The following MTOR variants were observed in gnomAD, a reference collection of about 807,000 sequenced individuals.
MTOR encodes mechanistic target of rapamycin kinase, also known as serine/threonine-protein kinase mTOR.
A neutral mutation model predicts 319.8 loss-of-function variants in MTOR; 70 were observed. The ratio of observed to expected loss-of-function variants is 0.22; its 90% CI spans 0.18 to 0.27. The LOEUF is 0.27. Among genes scored for constraint, MTOR ranks in the 10% least tolerant of loss-of-function variants. The pLI, the probability that MTOR is intolerant of heterozygous loss-of-function variation, is 1.00. For synonymous variants in MTOR, 1,183 were observed against 1,211.4 expected (o/e 0.98, Z 0.49); for missense variants, 1,890 against 3,274.4 (o/e 0.58, Z 10.32).
At position 11,260,719 on chromosome 1, in the gene MTOR, CTTTT is replaced by C. The variant is rs35365679; in HGVS notation, c.-14-1300_-14-1297del. ...TTAAAAAATTGATATAGTGTCCATT[CTTTT>C]TTTTTAGCGAGTCTTCAAAATCTAA... is the stretch of plus-strand genomic sequence containing the variant. On this transcript the variant is annotated intron_variant, in intron 1 of 57. Transcript: ENST00000361445. 2.7e-5 allele frequency among the ~76,000 whole-genome samples: 4 copies of C among 148,946 alleles called. No homozygotes were observed. The East Asian group carries it at 7.9e-4, about 29-fold the overall frequency.
At chr1:11,257,288 C>T (rs1650524140) in intron 3 of MTOR, 123 bp from the exon 4 acceptor site, 1 of 815,890 alleles carries the variant, frequency 1.2e-6, no homozygotes, top group African/African-American at 1.7e-5. Context: ...GTAATCCTAG[C>T]ACTTTGGGAG....
intron 34 of MTOR, among the ~76,000 whole-genome samples, chr1:11,143,215 T>C (rs572502194): frequency 6.6e-6 from 1 of 152,352 alleles, no homozygotes; most frequent in African/African-American, 2.4e-5. Context: ...AAAAAGCATC[T>C]TGCTGCCTCA....
At chr1:11,114,559 T>A in intron 52 of MTOR, 106 bp from the exon 53 acceptor site, 1 of 1,486,792 alleles carries the variant, frequency 6.7e-7, no homozygotes. Context: ...CAGGCCATGT[T>A]GACGTATCAG....
At chr1:11,260,175 A>G (rs995259738) in intron 1 of MTOR, among the ~76,000 whole-genome samples, 1 of 152,214 alleles carries the variant, frequency 6.6e-6, no homozygotes, top group Non-Finnish European at 1.5e-5. Flanking sequence ...GAAAGAATTA[A>G]AAATGACTAA....
intron 8 of MTOR, among the ~76,000 whole-genome samples, chr1:11,246,492 T>C (rs1295434828): frequency 3.9e-5 from 6 of 152,226 alleles, no homozygotes; most frequent in Non-Finnish European, 7.3e-5. Flanking sequence ...GTTATTTCTC[T>C]CTGGTTCAGT....
intron 49 of MTOR, among the ~76,000 whole-genome samples, chr1:11,117,846 G>A (rs577534579): frequency 6.6e-6 from 1 of 152,192 alleles, no homozygotes; most frequent in South Asian, 2.1e-4. Context: ...TTGGGAGGCC[G>A]AGGTGGGTGG....
chr1:11,184,654 T>G (rs1291425910), intron 28 of MTOR, among the ~76,000 whole-genome samples: 1 of 152,042 alleles, frequency 6.6e-6, no homozygotes, highest in Non-Finnish European at 1.5e-5. Flanking sequence ...CTGCTTCAGC[T>G]CACGAGTTCC....
In MTOR at chr1:11,109,833, T is replaced by G; in HGVS notation, c.7367-104A>C. The G allele has an allele frequency of 1.1e-6, 1 of 946,842 alleles. No homozygotes were observed. The allele number at this position is 946,842 out of a possible 1,614,324, so 58.7% of individuals were successfully genotyped here. On this transcript the variant is annotated intron_variant, in intron 54 of 57. Transcript: ENST00000361445. This position sits in a 1 kb window ranked among gnomAD's most constrained non-coding sequence, Gnocchi z 4.0. The stretch of plus-strand genomic sequence containing the variant: ...CACTCTATTCCTTTAACGCCTGCCC[T>G]ACCTACCCTAAAGGGGAAAAGAGAA...
chr1:11,153,971 GGGCA>G (rs1392447973), intron 30 of MTOR, among the ~76,000 whole-genome samples: 2 of 147,442 alleles, frequency 1.4e-5, no homozygotes, highest in Non-Finnish European at 3.0e-5. Context: ...CAGGAGGCTG[GGGCA>G]GGAAAATCAC....
At chr1:11,142,245 T>C (rs969372791) in intron 34 of MTOR, among the ~76,000 whole-genome samples, 6 of 151,744 alleles carry the variant, frequency 4.0e-5, no homozygotes, top group African/African-American at 1.5e-4. Context: ...CCAGGCATGG[T>C]GGCTCATGCC....
rs780569588 is a variant in MTOR, at chr1:11,134,533, C to T, written c.5131-67G>A. 27 of 1,373,094 alleles carry T rather than the reference C, an allele frequency of 2.0e-5. No individual in the cohort carries two copies. The East Asian group carries it at 2.1e-4, about 10-fold the overall frequency. The allele number at this position is 1,373,094 out of a possible 1,614,324, so 85.1% of individuals were successfully genotyped here. On this transcript the variant is annotated intron_variant, in intron 36 of 57. Transcript: ENST00000361445. ...CCCAGCTTCAGAGGAAGGGAGCTAC[C>T]GTTCATCTGATAGGCATGAGTCAAC...
intron 28 of MTOR, chr1:11,192,348 T>C (rs1645573954): frequency 4.3e-6 from 7 of 1,613,872 alleles, no homozygotes; most frequent in Non-Finnish European, 5.9e-6. Flanking sequence ...CCTGATGACT[T>C]CCTGGGCAGC....
chr1:11,255,382 C>CA (rs56328160), intron 5 of MTOR, among the ~76,000 whole-genome samples: 3,063 of 98,036 alleles, frequency 0.031, 552 homozygotes, highest in African/African-American at 0.15. Context: ...ACTCCATCTC[C>CA]AAAAAAAAAA....
intron 28 of MTOR, chr1:11,193,553 C>A: frequency 6.4e-7 from 1 of 1,552,398 alleles, no homozygotes; most frequent in Non-Finnish European, 8.7e-7. Context: ...CTGCAAGTCC[C>A]TCACCAGAGT....
In MTOR at chr1:11,234,212, G is replaced by A; in HGVS notation, c.2262C>T (p.Ala754=). 6.2e-7 allele frequency: 1 copy of A among 1,614,134 alleles called. No individual in the cohort carries two copies. The highest frequency in any genetic ancestry group is 1.3e-5 in the African/African-American group (1 of 75,042). ...SGIGRIKEQS[A]RMLGHLVSNA... ...TGGAGACCAGGTGCCCCAGCATGCG[G>A]GCACTCTGCTCTTTGATTCTTCCAA... Residue 754 remains alanine (A), a synonymous_variant, in exon 14 of 58, where the codon GCC becomes GCT. Coordinates refer to ENST00000361445, the MANE Select transcript of MTOR (RefSeq NM_004958.4).
intron 38 of MTOR, 51 bp from the exon 39 acceptor site, chr1:11,130,828 G>A (rs2100434470): frequency 6.5e-7 from 1 of 1,534,410 alleles, no homozygotes. Flanking sequence ...ACCAACAGCA[G>A]GGCTCAGAGG....
rs1217627837 is a variant in MTOR, at chr1:11,238,929, A to T, written c.1787-312T>A. ...AGGTGCCTACCACCACGCCTGGCTA[A>T]TTTTTTTTTTTTTTTTTGGTATTTT... On this transcript the variant is annotated intron_variant, in intron 11 of 57. Coordinates refer to ENST00000361445, the MANE Select transcript of MTOR (RefSeq NM_004958.4). Among the ~76,000 whole-genome samples, 5 of 139,482 alleles carry T rather than the reference A, an allele frequency of 3.6e-5. 1 individual carries two copies. The South Asian group carries it at 1.2e-3, about 32-fold the overall frequency. The allele number at this position is 139,482 out of a possible 152,430, so 91.5% of individuals were successfully genotyped here. A position where few individuals can be genotyped will look rare whatever the true frequency, so the allele number is the denominator to read the frequency against.
At chr1:11,169,997 C>A (rs1250715250) in intron 28 of MTOR, among the ~76,000 whole-genome samples, 1 of 152,186 alleles carries the variant, frequency 6.6e-6, no homozygotes, top group South Asian at 2.1e-4. Flanking sequence ...TAGAACTGTT[C>A]GAGTGTCCAG....
chr1:11,231,432 C>T lies in MTOR; in HGVS notation c.2517G>A (p.Val839=). 6.2e-7 allele frequency: 1 copy of T among 1,613,932 alleles called. No homozygotes were observed. Among genetic ancestry groups the T allele is most frequent in the Non-Finnish European group, 8.5e-7 (1 of 1,179,916 alleles). ...CCAACTGTCCCAGGGTCCACAGAGCCACCTGGATAGGCACAAGAACACGAT... is the reference window on the plus strand; with the variant it reads ...CCAACTGTCCCAGGGTCCACAGAGCTACCTGGATAGGCACAAGAACACGAT... ...QDSSLLAKRQ[V]ALWTLGQLVA... is the part of the protein sequence containing the mutation. The change falls in exon 17 of 58, where the codon GTG becomes GTA. Residue 839 remains valine (V), a splice_region_variant and synonymous_variant. Coordinates refer to ENST00000361445, the MANE Select transcript of MTOR (RefSeq NM_004958.4).
Sources: allele counts gnomAD v4.1 joint callset (sites outside exome capture counted in the v4.1 genomes callset), GRCh38; gene constraint gnomAD v4.1.1; non-coding constraint Gnocchi (gnomAD v3.1); transcripts MANE v1.5; gene names NCBI Gene and HGNC (gene_info 2026-07-23, HGNC 2026-07-21).